The following SCAPER variants were observed in gnomAD, a reference collection of about 807,000 sequenced individuals.
The protein encoded by SCAPER is S-phase cyclin A associated protein in the ER.
A neutral mutation model predicts 182.2 loss-of-function variants in SCAPER; 98 were observed. That is an observed-to-expected ratio of 0.54 (90% CI 0.46 to 0.64). SCAPER has a LOEUF of 0.64. Ranked by LOEUF, SCAPER falls within the 30% of genes least tolerant of loss-of-function variation. The pLI, the probability that SCAPER is intolerant of heterozygous loss-of-function variation, is 0.00. For missense variants in SCAPER, 1,432 were observed against 1,690.0 expected, an observed-to-expected ratio of 0.85 and a Z score of 2.68; for synonymous variants, 605 against 564.6, an observed-to-expected ratio of 1.07 and a Z score of -1.01.
At chr15:76,605,999 GT>G (rs1232349546) in intron 22 of SCAPER, among the ~76,000 whole-genome samples, 1 of 152,084 alleles carries the variant, frequency 6.6e-6, no homozygotes, top group South Asian at 2.1e-4. Flanking sequence ...TTTTTGAAGG[GT>G]TTTTTGTGTC....
chr15:76,725,938 T>C (rs972931842), intron 17 of SCAPER, among the ~76,000 whole-genome samples: 4 of 145,208 alleles, frequency 2.8e-5, no homozygotes, highest in African/African-American at 9.8e-5. Context: ...GGCTATGATT[T>C]ATTGAATATG....
chr15:76,782,459 T>C (rs1380580635), intron 8 of SCAPER, among the ~76,000 whole-genome samples: 2 of 152,092 alleles, frequency 1.3e-5, no homozygotes, highest in Non-Finnish European at 2.9e-5. Context: ...ACTATCCACA[T>C]TAGACAGATC....
chr15:76,850,817 G>T (rs1038136686), intron 4 of SCAPER, among the ~76,000 whole-genome samples: 1 of 145,048 alleles, frequency 6.9e-6, no homozygotes, highest in African/African-American at 2.6e-5. Context: ...CAGAGATTGC[G>T]CCATTGTATT....
intron 27 of SCAPER, among the ~76,000 whole-genome samples, chr15:76,386,942 C>T (rs983002611): frequency 1.3e-5 from 2 of 152,172 alleles, no homozygotes; most frequent in African/African-American, 4.8e-5. Flanking sequence ...ACAATGAGCA[C>T]TACAGCTACT....
At chr15:76,859,581 T>C (rs1021342129) in intron 3 of SCAPER, among the ~76,000 whole-genome samples, 1 of 152,206 alleles carries the variant, frequency 6.6e-6, no homozygotes, top group Non-Finnish European at 1.5e-5. Context: ...AAAAACTTAG[T>C]CTTTAATTGC....
Position 76,900,335 on chromosome 15 carries a change from T to C in SCAPER, c.-60+4964A>G, listed in dbSNP as rs961790852. 9.4e-5 allele frequency among the ~76,000 whole-genome samples: 5 copies of C among 53,208 alleles called. No homozygotes were observed. The South Asian group carries it at 2.3e-3, about 25-fold the overall frequency. 34.9% of individuals were successfully genotyped at this position (53,208 alleles called of 152,430 possible). ...CTGAGAAACACCCAAGAATGATCAA[T>C]AAATACTAAAAAAAAAAAAAAAAAA... is the stretch of plus-strand genomic sequence containing the variant. On this transcript the variant is annotated intron_variant, in intron 1 of 31. Transcript: ENST00000563290.
intron 5 of SCAPER, among the ~76,000 whole-genome samples, chr15:76,840,901 G>A (rs946092003): frequency 3.3e-5 from 5 of 152,098 alleles, no homozygotes; most frequent in African/African-American, 9.7e-5. Flanking sequence ...ACCTTACAAT[G>A]ACATCCCAAT....
intron 25 of SCAPER, among the ~76,000 whole-genome samples, chr15:76,467,472 A>C: frequency 6.8e-6 from 1 of 147,176 alleles, no homozygotes; most frequent in African/African-American, 2.5e-5. Context: ...ACAGGATCTC[A>C]CTCTGTTGCT....
chr15:76,609,034 C>T (rs1425513925), intron 22 of SCAPER, among the ~76,000 whole-genome samples: 2 of 152,322 alleles, frequency 1.3e-5, no homozygotes, highest in Admixed American at 6.5e-5. Context: ...TACCGTCCTG[C>T]CCCTACTGTC....
chr15:76,520,218 T>C (rs1395902844), intron 23 of SCAPER, among the ~76,000 whole-genome samples: 2 of 152,156 alleles, frequency 1.3e-5, no homozygotes, highest in African/African-American at 4.8e-5. Flanking sequence ...TTTTGTTTTT[T>C]TGTTTTTGTT....
intron 2 of SCAPER, among the ~76,000 whole-genome samples, chr15:76,877,235 C>A (rs2073237735): frequency 6.6e-6 from 1 of 151,172 alleles, no homozygotes; most frequent in Non-Finnish European, 1.5e-5. Context: ...ATCCAAGAGC[C>A]AGCTTAAAGT....
intron 23 of SCAPER, among the ~76,000 whole-genome samples, chr15:76,569,698 C>A (rs1405904884): frequency 2.0e-5 from 3 of 152,016 alleles, no homozygotes; most frequent in South Asian, 4.1e-4. Context: ...TATATTATAT[C>A]CTTTTTATAC....
At chr15:76,733,899 G>C (rs1012311800) in intron 15 of SCAPER, among the ~76,000 whole-genome samples, 1 of 152,156 alleles carries the variant, frequency 6.6e-6, no homozygotes. Context: ...ATAATCCAGT[G>C]TGTATAAAAA....
At chr15:76,662,128 C>A (rs2056233386) in intron 21 of SCAPER, among the ~76,000 whole-genome samples, 2 of 152,056 alleles carry the variant, frequency 1.3e-5, no homozygotes, top group South Asian at 4.1e-4. Flanking sequence ...GGGAGCTGAA[C>A]AATGAGAACA....
intron 20 of SCAPER, 77 bp downstream of exon 20, chr15:76,701,681 C>A: frequency 9.0e-7 from 1 of 1,106,926 alleles, no homozygotes; most frequent in Non-Finnish European, 1.3e-6. Context: ...TAAATACAAA[C>A]ACGGAATTCT....
intron 8 of SCAPER, among the ~76,000 whole-genome samples, chr15:76,784,223 A>G (rs2064398332): frequency 6.6e-6 from 1 of 151,858 alleles, no homozygotes; most frequent in South Asian, 2.1e-4. Context: ...AACCACAGGC[A>G]TTCCCTATAC....
chr15:76,396,382 G>A (rs1394290951), intron 27 of SCAPER, among the ~76,000 whole-genome samples: 2 of 152,124 alleles, frequency 1.3e-5, no homozygotes, highest in Admixed American at 6.5e-5. Flanking sequence ...GTTTTGATAA[G>A]GATTGCATGG....
chr15:76,471,798 A>T (rs1251103384), intron 24 of SCAPER, among the ~76,000 whole-genome samples: 1 of 152,060 alleles, frequency 6.6e-6, no homozygotes, highest in East Asian at 1.9e-4. Context: ...GTAAGATAAG[A>T]CCCCGGAGTT....
At chr15:76,686,260 G>A (rs1442172577) in intron 20 of SCAPER, among the ~76,000 whole-genome samples, 1 of 151,978 alleles carries the variant, frequency 6.6e-6, no homozygotes, top group Non-Finnish European at 1.5e-5. Flanking sequence ...GGGCAGAACA[G>A]CCACAGACAT....
Sources: gnomAD v4.1 joint callset for allele counts (sites outside exome capture counted in the v4.1 genomes callset) on GRCh38, gnomAD v4.1.1 for gene constraint, MANE v1.5 for transcripts, NCBI Gene and HGNC (gene_info 2026-07-23, HGNC 2026-07-21) for gene names.